The following DCC variants were observed in gnomAD, a reference collection of about 807,000 sequenced individuals.
DCC encodes the protein DCC netrin 1 receptor.
A neutral mutation model predicts 172.5 loss-of-function variants in DCC; 58 were observed. The ratio of observed to expected loss-of-function variants is 0.34; its 90% CI spans 0.27 to 0.42. The LOEUF is 0.42. Ranked by LOEUF, DCC falls within the 10% of genes least tolerant of loss-of-function variation. DCC has a pLI of 1.00. For missense variants in DCC, 1,740 were observed against 1,791.0 expected, an observed-to-expected ratio of 0.97 and a Z score of 0.51; for synonymous variants, 709 against 644.5, an observed-to-expected ratio of 1.10 and a Z score of -1.52.
intron 19 of DCC, among the ~76,000 whole-genome samples, chr18:53,409,536 T>C (rs376228345): frequency 6.6e-6 from 1 of 152,192 alleles, no homozygotes; most frequent in African/African-American, 2.4e-5. Context: ...TACGGTGTTA[T>C]CTGGCAATAT....
intron 7 of DCC, among the ~76,000 whole-genome samples, chr18:53,152,072 T>C (rs2054650726): frequency 6.6e-6 from 1 of 152,178 alleles, no homozygotes; most frequent in African/African-American, 2.4e-5. Flanking sequence ...TCACTGACAA[T>C]ATCTAGTTAC....
chr18:52,976,201 G>GT (rs1013927153), intron 5 of DCC, among the ~76,000 whole-genome samples: 2,197 of 147,488 alleles, frequency 0.015, 56 homozygotes, highest in African/African-American at 0.049. Flanking sequence ...ATAGGGTCAT[G>GT]TTTTTTTTTT....
At chr18:53,329,023 C>A (rs2057500841) in intron 14 of DCC, among the ~76,000 whole-genome samples, 1 of 152,122 alleles carries the variant, frequency 6.6e-6, no homozygotes, top group Non-Finnish European at 1.5e-5. Flanking sequence ...TTCAGTACAT[C>A]TTAAAAGCCC....
At chr18:52,633,204 A>T (rs769596096) in intron 1 of DCC, among the ~76,000 whole-genome samples, 5 of 151,694 alleles carry the variant, frequency 3.3e-5, no homozygotes, top group Admixed American at 1.3e-4. Context: ...ACATTTTGAG[A>T]GCTTATCTTA....
intron 16 of DCC, among the ~76,000 whole-genome samples, chr18:53,387,976 C>T (rs3794919): frequency 0.43 from 64,644 of 152,074 alleles, 15,506 homozygotes; most frequent in Non-Finnish European, 0.55. Context: ...GAAAGAACCA[C>T]TGGAGTCATT....
At chr18:52,683,287 G>C (rs996322644) in intron 1 of DCC, among the ~76,000 whole-genome samples, 3 of 152,040 alleles carry the variant, frequency 2.0e-5, no homozygotes, top group Non-Finnish European at 4.4e-5. Flanking sequence ...GGAAAGACTT[G>C]AAATATGTAA....
chr18:53,522,421 T>G (rs567854405), intron 27 of DCC, among the ~76,000 whole-genome samples: 2 of 152,210 alleles, frequency 1.3e-5, no homozygotes, highest in South Asian at 4.1e-4. Context: ...AAAACTACTT[T>G]GAATTTCATG....
chr18:53,105,461 A>T (rs1220611872), intron 7 of DCC, among the ~76,000 whole-genome samples: 1 of 152,038 alleles, frequency 6.6e-6, no homozygotes, highest in Non-Finnish European at 1.5e-5. Context: ...CCCTTGCTTT[A>T]TAATGGGGCT....
At chr18:53,137,026 C>T (rs987839363) in intron 7 of DCC, among the ~76,000 whole-genome samples, 3 of 152,160 alleles carry the variant, frequency 2.0e-5, no homozygotes, top group Non-Finnish European at 4.4e-5. Context: ...TTCTACTTAC[C>T]TAGGAAGAGG....
chr18:52,662,603 A>C (rs2035381813), intron 1 of DCC, among the ~76,000 whole-genome samples: 2 of 148,250 alleles, frequency 1.3e-5, no homozygotes, highest in South Asian at 2.2e-4. Flanking sequence ...AAGGGAGGGA[A>C]AGAGAGAGAG....
At chr18:53,006,557 G>C (rs2041649713) in intron 5 of DCC, among the ~76,000 whole-genome samples, 1 of 152,184 alleles carries the variant, frequency 6.6e-6, no homozygotes. Flanking sequence ...CTCTAACACA[G>C]AGATGTGGAA....
Position 53,502,174 on chromosome 18 carries a change from A to T in DCC, c.4111+2664A>T, listed in dbSNP as rs944634371. On this transcript the variant is annotated intron_variant, in intron 27 of 28. Transcript: ENST00000442544. The stretch of plus-strand genomic sequence containing the variant: ...GCCATCTCTTCTTTCCTATTTTCAG[A>T]TATCTCTGGCTAGAGTTTTTGTTTG... 4.6e-5 allele frequency among the ~76,000 whole-genome samples: 7 copies of T among 152,054 alleles called. No individual in the cohort carries two copies. The East Asian group carries it at 1.3e-3, about 29-fold the overall frequency.
intron 7 of DCC, among the ~76,000 whole-genome samples, chr18:53,102,946 A>G (rs1307788748): frequency 2.0e-5 from 3 of 152,092 alleles, no homozygotes; most frequent in African/African-American, 7.2e-5. Context: ...TATCCTTGCC[A>G]CTTAAGGAGA....
intron 14 of DCC, among the ~76,000 whole-genome samples, chr18:53,322,728 G>A (rs2057427075): frequency 6.6e-6 from 1 of 151,334 alleles, no homozygotes; most frequent in East Asian, 1.9e-4. Context: ...TTAAATATAA[G>A]CATAATCCTC....
At chr18:53,477,997 A>G (rs1050453166) in intron 25 of DCC, among the ~76,000 whole-genome samples, 3 of 152,262 alleles carry the variant, frequency 2.0e-5, no homozygotes, top group Non-Finnish European at 2.9e-5. Context: ...ATTACAAAAA[A>G]GTCAGAACAG....
At chr18:52,868,507 G>A (rs2039265234) in intron 2 of DCC, among the ~76,000 whole-genome samples, 3 of 152,160 alleles carry the variant, frequency 2.0e-5, no homozygotes, top group African/African-American at 7.2e-5. Flanking sequence ...AGAGAAATTT[G>A]ACATGGCTGA....
chr18:53,413,232 A>G (rs971313054), intron 20 of DCC, among the ~76,000 whole-genome samples: 8 of 152,206 alleles, frequency 5.3e-5, no homozygotes, highest in Admixed American at 4.6e-4. Flanking sequence ...GTGAAAGCCC[A>G]ATAGAGTACA....
chr18:52,807,697 C>G (rs1319075170), intron 2 of DCC, among the ~76,000 whole-genome samples: 1 of 152,148 alleles, frequency 6.6e-6, no homozygotes, highest in African/African-American at 2.4e-5. Context: ...CTTTTTGCCT[C>G]TGGACAGGTT....
At chr18:53,057,552 A>G (rs2042427076) in intron 5 of DCC, among the ~76,000 whole-genome samples, 1 of 152,108 alleles carries the variant, frequency 6.6e-6, no homozygotes, top group East Asian at 1.9e-4. Context: ...TCTGATGGAA[A>G]TGTGGACAAT....
Sources: gnomAD v4.1 joint callset for allele counts (sites outside exome capture counted in the v4.1 genomes callset) on GRCh38, gnomAD v4.1.1 for gene constraint, MANE v1.5 for transcripts, NCBI Gene and HGNC (gene_info 2026-07-23, HGNC 2026-07-21) for gene names.